MTHFD2: variants seen among roughly 807,000 people sequenced by gnomAD.
The protein encoded by MTHFD2 is bifunctional methylenetetrahydrofolate dehydrogenase/cyclohydrolase, mitochondrial.
Under a neutral mutation model 36.8 loss-of-function variants are expected in MTHFD2, and 26 were observed. The ratio of observed to expected loss-of-function variants is 0.71; its 90% CI spans 0.52 to 0.98. The LOEUF is 0.98. MTHFD2 is among the 50% of genes least tolerant of loss of function. The pLI is 0.00. For missense variants in MTHFD2, 373 were observed against 434.0 expected, an observed-to-expected ratio of 0.86 and a Z score of 1.25; for synonymous variants, 164 against 155.2, an observed-to-expected ratio of 1.06 and a Z score of -0.42.
chr2:74,210,173 A>G, intron 5 of MTHFD2, 124 bp downstream of exon 5: 1 of 696,584 alleles, frequency 1.4e-6, no homozygotes, highest in East Asian at 3.2e-5. Context: ...AATTTTGTTA[A>G]CAGACAATTC....
intron 4 of MTHFD2, among the ~76,000 whole-genome samples, chr2:74,209,594 A>G (rs828903): frequency 0.5 from 75,006 of 151,428 alleles, 19,590 homozygotes; most frequent in African/African-American, 0.66. Context: ...CAGAGGTTTC[A>G]TCATGCTGCC....
At chr2:74,204,415 C>T (rs1694131168) in intron 1 of MTHFD2, among the ~76,000 whole-genome samples, 2 of 152,176 alleles carry the variant, frequency 1.3e-5, no homozygotes, top group Admixed American at 1.3e-4. Context: ...TTTCTTCTTG[C>T]TCCCCACCTC....
At chr2:74,209,920 G>A (rs753312247) in intron 4 of MTHFD2, 22 bp from the exon 5 acceptor site, 1 of 1,596,378 alleles carries the variant, frequency 6.3e-7, no homozygotes, top group Non-Finnish European at 8.5e-7. Context: ...TACTTTTAAT[G>A]TCAATACATA....
chr2:74,211,112 G>A (rs562721995), intron 5 of MTHFD2, 87 bp from the exon 6 acceptor site: 2 of 847,238 alleles, frequency 2.4e-6, no homozygotes, highest in East Asian at 2.6e-5. Context: ...CAGAGATGTT[G>A]AGTTTCTACA....
chr2:74,205,598 C>A, intron 1 of MTHFD2, 107 bp from the exon 2 acceptor site: 1 of 1,277,564 alleles, frequency 7.8e-7, no homozygotes, highest in South Asian at 1.5e-5. Context: ...CCTGCCCCGG[C>A]CTCCCGAAGT....
rs1694453657 is a variant in MTHFD2, at chr2:74,216,660, G to A, written c.*2418G>A. The A allele has an allele frequency of 6.6e-6, 1 of 152,166 alleles. No homozygotes were observed. Among genetic ancestry groups the A allele is most frequent in the Non-Finnish European group, 1.5e-5 (1 of 68,036 alleles). 9.4% of individuals were successfully genotyped at this position (152,166 alleles called of 1,614,324 possible). A position where few individuals can be genotyped will look rare whatever the true frequency, so the allele number is the denominator to read the frequency against. The stretch of plus-strand genomic sequence containing the variant: ...GATTCCAGCTGTCTCCCTGGCTGGA[G>A]TGCAGTGGCATGATTATAGCTCACT... On this transcript the variant is annotated 3_prime_UTR_variant, in exon 8 of 8. Transcript: ENST00000394053.
intron 1 of MTHFD2, among the ~76,000 whole-genome samples, chr2:74,205,054 A>C (rs1462247400): frequency 6.6e-6 from 1 of 152,060 alleles, no homozygotes; most frequent in Non-Finnish European, 1.5e-5. Flanking sequence ...CGAACTCCTT[A>C]CCTTGTGATC....
intron 1 of MTHFD2, 116 bp from the exon 2 acceptor site, chr2:74,205,589 C>A: frequency 8.5e-7 from 1 of 1,182,266 alleles, no homozygotes; most frequent in Non-Finnish European, 1.2e-6. Context: ...AGCCATCCTC[C>A]TGCCCCGGCC....
chr2:74,211,571 C>T (rs767497393), intron 6 of MTHFD2, 170 bp from the exon 7 acceptor site: 10 of 611,082 alleles, frequency 1.6e-5, no homozygotes, highest in Non-Finnish European at 2.2e-5. Context: ...TGTCAGGAGC[C>T]AAAATAAAAA....
intron 3 of MTHFD2, among the ~76,000 whole-genome samples, chr2:74,208,180 C>G (rs1694224383): frequency 6.6e-6 from 1 of 152,178 alleles, no homozygotes; most frequent in Non-Finnish European, 1.5e-5. Flanking sequence ...CTACCATGCC[C>G]TACCTAAAAT....
chr2:74,211,257 T>TA lies in MTHFD2; in HGVS notation c.730dup (p.Thr244AsnfsTer30). ...CTCCCAAAGAGCAGTTGAAGAAACA[T>TA]ACAATTCTTGCAGATATTGTAATAT... On this transcript the variant is annotated frameshift_variant, in exon 6 of 8. Coordinates refer to ENST00000394053, the MANE Select transcript of MTHFD2 (RefSeq NM_006636.4). LOFTEE classifies it high-confidence loss of function. The TA allele has an allele frequency of 6.2e-7, 1 of 1,609,134 alleles. No individual in the cohort carries two copies. Among genetic ancestry groups the TA allele is most frequent in the Non-Finnish European group, 8.5e-7 (1 of 1,176,718 alleles).
At chr2:74,209,113 C>T (rs901023694) in intron 4 of MTHFD2, among the ~76,000 whole-genome samples, 10 of 152,026 alleles carry the variant, frequency 6.6e-5, no homozygotes, top group East Asian at 1.9e-4. Context: ...TCAGGTGATC[C>T]GCCCCCTCAG....
chr2:74,215,610 CTTTG>C lies in MTHFD2; in HGVS notation c.*1380_*1383del, dbSNP rs1217459244. Reference sequence around the variant, plus strand: ...AGAAACCAGCCTCGTCCTCCAGTCTCTTTGTTTGTTTGTTTTGAGACTGAGTCTT... The same window carrying C: ...AGAAACCAGCCTCGTCCTCCAGTCTCTTTGTTTGTTTTGAGACTGAGTCTT... On this transcript the variant is annotated 3_prime_UTR_variant, in exon 8 of 8. Coordinates refer to ENST00000394053, the MANE Select transcript of MTHFD2 (RefSeq NM_006636.4). 4.5e-4 allele frequency: 68 copies of C among 152,310 alleles called. No homozygotes were observed. The highest frequency in any genetic ancestry group is 1.2e-3 in the African/African-American group (50 of 41,468). The allele number at this position is 152,310 out of a possible 1,614,324, so 9.4% of individuals were successfully genotyped here. A position where few individuals can be genotyped will look rare whatever the true frequency, so the allele number is the denominator to read the frequency against.
rs372238655 is a variant in MTHFD2 at position 74,208,517 on chromosome 2, G to C, written c.410-52G>C. ...GAAGCAGATAAGCTGGAGTCAGGCA[G>C]TGCTGACTATGCGGTGGTGATTTAA... On this transcript the variant is annotated intron_variant, in intron 3 of 7. Transcript: ENST00000394053. The C allele has an allele frequency of 5.1e-6, 8 of 1,582,298 alleles. No individual in the cohort carries two copies. In the African/African-American group the frequency reaches 9.4e-5, roughly 19 times the overall value.
In MTHFD2 at chr2:74,198,637, G is replaced by A. The variant is rs1324302870; in HGVS notation, c.-5G>A. ...TCCCTCCCGGCGCAGTCACCGGCGC[G>A]GTCTATGGCTGCGACTTCTCTAATG... On this transcript the variant is annotated 5_prime_UTR_variant, in exon 1 of 8. Transcript: ENST00000394053. The A allele has an allele frequency of 3.8e-6, 6 of 1,599,994 alleles. No individual in the cohort carries two copies. The East Asian group carries it at 6.8e-5, about 18-fold the overall frequency.
At chr2:74,206,767 G>A (rs905041847) in intron 2 of MTHFD2, among the ~76,000 whole-genome samples, 4 of 152,050 alleles carry the variant, frequency 2.6e-5, no homozygotes, top group Non-Finnish European at 5.9e-5. Context: ...GGAGTGCAAC[G>A]GCGTGATCTC....
At chr2:74,207,460 C>T (rs1392022980) in intron 2 of MTHFD2, among the ~76,000 whole-genome samples, 1 of 152,174 alleles carries the variant, frequency 6.6e-6, no homozygotes, top group Non-Finnish European at 1.5e-5. Context: ...CTCTGAGCCT[C>T]AGTCTGTCTG....
chr2:74,213,181 G>A (rs1204969570), intron 7 of MTHFD2, among the ~76,000 whole-genome samples: 1 of 151,694 alleles, frequency 6.6e-6, no homozygotes, highest in East Asian at 1.9e-4. Flanking sequence ...TAGGATTACA[G>A]GTGTGAGCCA....
intron 1 of MTHFD2, among the ~76,000 whole-genome samples, chr2:74,199,674 C>T (rs1022198120): frequency 1.4e-5 from 2 of 148,094 alleles, no homozygotes; most frequent in African/African-American, 5.0e-5. Context: ...CACCACTGCC[C>T]TCCAGTCTGG....
Sources: gnomAD v4.1 joint callset for allele counts (sites outside exome capture counted in the v4.1 genomes callset) on GRCh38, gnomAD v4.1.1 for gene constraint, MANE v1.5 for transcripts, NCBI Gene and HGNC (gene_info 2026-07-23, HGNC 2026-07-21) for gene names.